Variants in FAM131C observed in about 807,000 individuals in gnomAD.
FAM131C encodes the protein family with sequence similarity 131 member C.
A neutral mutation model predicts 29.8 loss-of-function variants in FAM131C; 14 were observed. That is an observed-to-expected ratio of 0.47 (90% CI 0.31 to 0.73). FAM131C has a LOEUF of 0.73. Among genes scored for constraint, FAM131C ranks in the 30% least tolerant of loss-of-function variants. The pLI is 0.05. For missense variants in FAM131C, 252 were observed against 383.8 expected, an observed-to-expected ratio of 0.66 and a Z score of 2.87; for synonymous variants, 86 against 157.8, an observed-to-expected ratio of 0.54 and a Z score of 3.41.
rs1440046165 is a variant in FAM131C at position 16,072,885 on chromosome 1, TA to T, written c.22+535del. The stretch of plus-strand genomic sequence containing the variant: ...CAAGGATGGGGGTGGGGAGGAGGAT[TA>T]GGGGGCAGGGGAACCTTCTTTATAA... On this transcript the variant is annotated intron_variant, in intron 1 of 6. Coordinates refer to ENST00000375662, the MANE Select transcript of FAM131C (RefSeq NM_182623.3). 4.0e-5 allele frequency among the ~76,000 whole-genome samples: 6 copies of T among 151,658 alleles called. No homozygotes were observed. The East Asian group carries it at 1.2e-3, about 30-fold the overall frequency.
rs2023568695 is a variant in FAM131C at position 16,059,899 on chromosome 1, C to T, written c.421G>A (p.Asp141Asn). 1.2e-6 allele frequency: 2 copies of T among 1,611,734 alleles called. No homozygotes were observed. The highest frequency in any genetic ancestry group is 1.7e-6 in the Non-Finnish European group (2 of 1,179,934). The stretch of plus-strand genomic sequence containing the variant: ...GCAAAGCGGGCCTCACGCAGCTCAT[C>T]CGGGAGGCAGCAGTAATGCTCGTCC... Reference protein sequence around the residue: ...AEDEHYCCLPDELREARFAAG... With the variant: ...AEDEHYCCLPNELREARFAAG... The change falls in exon 5 of 7, where the codon GAT (aspartate) becomes AAT (asparagine). Residue 141 changes from aspartate to asparagine, a missense_variant. Transcript: ENST00000375662.
intron 1 of FAM131C, among the ~76,000 whole-genome samples, chr1:16,068,001 C>T (rs1022132839): frequency 6.6e-6 from 1 of 152,224 alleles, no homozygotes. Context: ...TAAATATCCT[C>T]TCAAAACCAC....
At chr1:16,064,167 AT>A (rs1203876565) in intron 1 of FAM131C, among the ~76,000 whole-genome samples, 1 of 151,144 alleles carries the variant, frequency 6.6e-6, no homozygotes, top group Admixed American at 6.7e-5. Flanking sequence ...CTGTTTCTGC[AT>A]TTCCTGCTGT....
In FAM131C at chr1:16,071,243, C is replaced by G. The variant is rs745703648; in HGVS notation, c.22+2178G>C. ...AGTAGACAGGTGCAGGCACCAGGGC[C>G]GAGGGCTGGCTGTGAGTGCAGAGAC... is the stretch of plus-strand genomic sequence containing the variant. On this transcript the variant is annotated intron_variant, in intron 1 of 6. Coordinates refer to ENST00000375662, the MANE Select transcript of FAM131C (RefSeq NM_182623.3). 5.9e-5 allele frequency among the ~76,000 whole-genome samples: 9 copies of G among 152,250 alleles called. No homozygotes were observed. In the East Asian group the frequency reaches 1.7e-3, roughly 29 times the overall value.
At chr1:16,059,471 C>T (rs1420224409) in intron 6 of FAM131C, 23 bp downstream of exon 6, 1 of 1,610,864 alleles carries the variant, frequency 6.2e-7, no homozygotes. Context: ...CCACCCCCGC[C>T]CCCTGGACCC....
At chr1:16,067,599 G>C (rs1372222356) in intron 1 of FAM131C, among the ~76,000 whole-genome samples, 2 of 152,146 alleles carry the variant, frequency 1.3e-5, no homozygotes, top group Non-Finnish European at 2.9e-5. Context: ...GTGTCAACCA[G>C]ATGTCTCCTC....
intron 1 of FAM131C, among the ~76,000 whole-genome samples, chr1:16,067,002 G>C (rs1335398514): frequency 6.6e-6 from 1 of 152,222 alleles, no homozygotes; most frequent in Non-Finnish European, 1.5e-5. Flanking sequence ...ACAGACCAGG[G>C]AGCGAGGTTG....
At chr1:16,060,992 G>T (rs559734607) in intron 4 of FAM131C, among the ~76,000 whole-genome samples, 2 of 152,144 alleles carry the variant, frequency 1.3e-5, no homozygotes, top group African/African-American at 4.8e-5. Flanking sequence ...TGTTGTATGC[G>T]GAAGATGGAG....
chr1:16,063,586 G>T lies in FAM131C; in HGVS notation c.73C>A (p.Pro25Thr). The change falls in exon 2 of 7, where the codon CCC (proline) becomes ACC (threonine). Residue 25 changes from proline to threonine, a missense_variant. Physicochemically the swap from Pro to Thr is conservative, Grantham distance 38 (BLOSUM62 -1). Transcript: ENST00000375662. ...KNCPMPQGAD[P>T]LNPDLPSGRT... ...CCCGAGGGCAGATCTGGGTTCAAGGGGTCCGCACCCTGGGGCATGGGGCAG... is the reference window on the plus strand; with the variant it reads ...CCCGAGGGCAGATCTGGGTTCAAGGTGTCCGCACCCTGGGGCATGGGGCAG... The T allele has an allele frequency of 6.2e-7, 1 of 1,613,788 alleles. No homozygotes were observed. Among genetic ancestry groups the T allele is most frequent in the Non-Finnish European group, 8.5e-7 (1 of 1,179,846 alleles).
Position 16,073,411 on chromosome 1 carries a change from GC to G in FAM131C, c.22+9del. ...ACCCGATCCCCCCGCCCCCGGCCGG[GC>G]CCCCTCACCTCGCGACACGCAGGAG... On this transcript the variant is annotated intron_variant, in intron 1 of 6. Coordinates refer to ENST00000375662, the MANE Select transcript of FAM131C (RefSeq NM_182623.3). 1.7e-6 allele frequency: 2 copies of G among 1,210,182 alleles called. No individual in the cohort carries two copies. The highest frequency in any genetic ancestry group is 2.1e-6 in the Non-Finnish European group (2 of 972,848). 75.0% of individuals were successfully genotyped at this position (1,210,182 alleles called of 1,614,324 possible). A position where few individuals can be genotyped will look rare whatever the true frequency, so the allele number is the denominator to read the frequency against.
chr1:16,062,379 GGCC>G (rs1570354347), intron 3 of FAM131C, 117 bp downstream of exon 3: 22 of 1,179,554 alleles, frequency 1.9e-5, no homozygotes, highest in East Asian at 8.3e-5. Flanking sequence ...TGTTTCATCA[GGCC>G]CCCCCCCCCC....
chr1:16,073,394 C>T (rs2124139281), intron 1 of FAM131C, 27 bp downstream of exon 1: 2 of 1,193,126 alleles, frequency 1.7e-6, no homozygotes, highest in Non-Finnish European at 2.1e-6. Flanking sequence ...GCACCCGATC[C>T]CCCCGCCCCC....
At chr1:16,058,939 GCTCT>G (rs1474955674) in intron 6 of FAM131C, among the ~76,000 whole-genome samples, 4 of 152,248 alleles carry the variant, frequency 2.6e-5, no homozygotes, top group Admixed American at 6.5e-5. Flanking sequence ...GCCAGCCTGT[GCTCT>G]CTGAGAACTG....
intron 4 of FAM131C, among the ~76,000 whole-genome samples, chr1:16,061,052 T>C (rs1466465847): frequency 3.9e-5 from 6 of 152,026 alleles, no homozygotes; most frequent in African/African-American, 1.5e-4. Context: ...AGGCTGAGAA[T>C]AGATCTGGGA....
intron 1 of FAM131C, among the ~76,000 whole-genome samples, chr1:16,069,816 C>A (rs376567149): frequency 6.6e-6 from 1 of 152,160 alleles, no homozygotes; most frequent in South Asian, 2.1e-4. Context: ...GGCTAGAGTG[C>A]GGTGGAGTAA....
intron 1 of FAM131C, among the ~76,000 whole-genome samples, chr1:16,070,396 C>A (rs1028965539): frequency 2.0e-5 from 3 of 152,048 alleles, no homozygotes; most frequent in African/African-American, 7.2e-5. Flanking sequence ...CGAGTGCCTG[C>A]CACCCGCTGC....
Position 16,060,144 on chromosome 1 carries a change from C to T in FAM131C, c.269-93G>A, listed in dbSNP as rs2023574608. The T allele has an allele frequency of 3.0e-5, 20 of 658,538 alleles. No homozygotes were observed. In the South Asian group the frequency reaches 4.0e-4, roughly 13 times the overall value. The allele number at this position is 658,538 out of a possible 1,614,324, so 40.8% of individuals were successfully genotyped here. On this transcript the variant is annotated intron_variant, in intron 4 of 6. Transcript: ENST00000375662. The stretch of plus-strand genomic sequence containing the variant: ...CCTCAGGCCCACCCAGTGGCCTGTA[C>T]CCCACATTCCCTCAGTGCACCATGA...
chr1:16,063,395 G>A, intron 2 of FAM131C, 126 bp downstream of exon 2: 1 of 730,456 alleles, frequency 1.4e-6, no homozygotes, highest in Non-Finnish European at 2.4e-6. Context: ...AGGGCCCCTG[G>A]TCCCACAGGG....
At chr1:16,069,994 G>C (rs2023731959) in intron 1 of FAM131C, among the ~76,000 whole-genome samples, 1 of 152,114 alleles carries the variant, frequency 6.6e-6, no homozygotes, top group South Asian at 2.1e-4. Flanking sequence ...TGAACTCGTG[G>C]GCTCAAGCGA....
Sources: gnomAD v4.1 joint callset for allele counts (sites outside exome capture counted in the v4.1 genomes callset) on GRCh38, gnomAD v4.1.1 for gene constraint, MANE v1.5 for transcripts, NCBI Gene and HGNC (gene_info 2026-07-23, HGNC 2026-07-21) for gene names.